AKNAD1: variants seen among roughly 807,000 people sequenced by gnomAD.
The protein encoded by AKNAD1 is protein AKNAD1.
AKNAD1 carries 67 observed loss-of-function variants against 90.8 expected under a neutral mutation model. The observed-to-expected ratio is 0.74, with a 90% CI of 0.61 to 0.90. The LOEUF is 0.90. Ranked by LOEUF, AKNAD1 falls within the 40% of genes least tolerant of loss-of-function variation. The pLI, the probability that AKNAD1 is intolerant of heterozygous loss-of-function variation, is 0.00. For synonymous variants in AKNAD1, 327 were observed against 341.4 expected, an observed-to-expected ratio of 0.96 and a Z score of 0.46; for missense variants, 957 against 975.4, an observed-to-expected ratio of 0.98 and a Z score of 0.25.
chr1:108,828,961 A>G (rs1387169479), intron 10 of AKNAD1, among the ~76,000 whole-genome samples: 1 of 151,908 alleles, frequency 6.6e-6, no homozygotes, highest in Non-Finnish European at 1.5e-5. Flanking sequence ...ATCAGAAATA[A>G]CATAAAGGGA....
rs1450499628 is a variant in AKNAD1, at chr1:108,826,736, C to CTTTTTTTTTTT, written c.1936+468_1936+469insAAAAAAAAAAA. On this transcript the variant is annotated intron_variant, in intron 11 of 15. Transcript: ENST00000370001. Reference sequence around the variant, plus strand: ...AGTGATTCTTTTTTTCTTTTCTTTTCTTTTTCTTTTTTTTTTTTTTTGAAA... The same window carrying CTTTTTTTTTTT: ...AGTGATTCTTTTTTTCTTTTCTTTTCTTTTTTTTTTTTTTTTCTTTTTTTTTTTTTTTGAAA... 8.7e-5 allele frequency among the ~76,000 whole-genome samples: 10 copies of CTTTTTTTTTTT among 114,792 alleles called. 1 individual carries two copies. The highest frequency in any genetic ancestry group is 3.4e-4 in the African/African-American group (9 of 26,614). 75.3% of individuals were successfully genotyped at this position (114,792 alleles called of 152,430 possible). A position where few individuals can be genotyped will look rare whatever the true frequency, so the allele number is the denominator to read the frequency against.
At chr1:108,852,820 A>C in intron 1 of AKNAD1, 53 bp from the exon 2 acceptor site, 1 of 588,602 alleles carries the variant, frequency 1.7e-6, no homozygotes. Flanking sequence ...TAATGTATAC[A>C]ACTATGCCAG....
intron 1 of AKNAD1, among the ~76,000 whole-genome samples, chr1:108,853,607 A>T (rs375192245): frequency 6.6e-6 from 1 of 151,626 alleles, no homozygotes; most frequent in Admixed American, 6.6e-5. Context: ...TTTCCCTTGC[A>T]TGTCTGAGAA....
At chr1:108,827,763 G>A (rs998385551) in intron 10 of AKNAD1, among the ~76,000 whole-genome samples, 3 of 146,880 alleles carry the variant, frequency 2.0e-5, no homozygotes, top group Non-Finnish European at 3.0e-5. Flanking sequence ...GCAGTGAGCC[G>A]AGATCGCGCC....
chr1:108,818,364 T>C (rs1663695503), intron 14 of AKNAD1, among the ~76,000 whole-genome samples: 1 of 152,210 alleles, frequency 6.6e-6, no homozygotes, highest in African/African-American at 2.4e-5. Flanking sequence ...CACATTGGAT[T>C]GATCCTCCAG....
chr1:108,851,054 A>G (rs1434627184), intron 2 of AKNAD1, among the ~76,000 whole-genome samples: 1 of 152,238 alleles, frequency 6.6e-6, no homozygotes, highest in Non-Finnish European at 1.5e-5. Context: ...GTACGTTAAG[A>G]CACGAGGCCA....
chr1:108,851,556 G>T, intron 2 of AKNAD1, 116 bp downstream of exon 2: 2 of 977,900 alleles, frequency 2.0e-6, no homozygotes, highest in Non-Finnish European at 3.0e-6. Flanking sequence ...GTGACCCAGG[G>T]TGCTGAATGA....
intron 13 of AKNAD1, chr1:108,823,096 T>G (rs957852569): frequency 1.5e-6 from 1 of 663,874 alleles, no homozygotes; most frequent in South Asian, 1.7e-5. Flanking sequence ...AGCAAACATT[T>G]ATGGGTTGCT....
chr1:108,846,992 T>A (rs755316787), intron 5 of AKNAD1, among the ~76,000 whole-genome samples: 1 of 152,080 alleles, frequency 6.6e-6, no homozygotes, highest in Non-Finnish European at 1.5e-5. Flanking sequence ...GCCCTTTCCA[T>A]CTGCCACCAT....
chr1:108,841,769 G>T (rs892129762), intron 6 of AKNAD1, among the ~76,000 whole-genome samples: 1 of 152,122 alleles, frequency 6.6e-6, no homozygotes, highest in Non-Finnish European at 1.5e-5. Context: ...AGAACAAGGG[G>T]ACTATTCTGG....
At chr1:108,841,363 G>A (rs1664546844) in intron 6 of AKNAD1, among the ~76,000 whole-genome samples, 1 of 152,016 alleles carries the variant, frequency 6.6e-6, no homozygotes, top group Admixed American at 6.6e-5. Flanking sequence ...GAGGGAAGTT[G>A]TGATCTTTTC....
rs369506733 is a variant in AKNAD1, at chr1:108,856,701, GTC to G, written c.-104+226_-104+227del. ...AGCCTGGGTGACAGAGCAAGACCCT[GTC>G]TCTCTCTCTCTCTCTCACACACACA... On this transcript the variant is annotated intron_variant, in intron 1 of 15. Coordinates refer to ENST00000370001, the MANE Select transcript of AKNAD1 (RefSeq NM_152763.5). Among the ~76,000 whole-genome samples, 180 of 140,848 alleles carry G rather than the reference GTC, an allele frequency of 1.3e-3. No homozygotes were observed. In the Middle Eastern group the frequency reaches 0.023, roughly 18 times the overall value. 92.4% of individuals were successfully genotyped at this position (140,848 alleles called of 152,430 possible). A position where few individuals can be genotyped will look rare whatever the true frequency, so the allele number is the denominator to read the frequency against.
chr1:108,816,970 A>T (rs1262738424), intron 15 of AKNAD1, 78 bp downstream of exon 15: 1 of 1,540,808 alleles, frequency 6.5e-7, no homozygotes, highest in Non-Finnish European at 8.9e-7. Context: ...GTAATAACTT[A>T]AGAGCTGCCA....
At chr1:108,844,234 G>T (rs937807932) in intron 5 of AKNAD1, among the ~76,000 whole-genome samples, 1 of 152,080 alleles carries the variant, frequency 6.6e-6, no homozygotes, top group Non-Finnish European at 1.5e-5. Context: ...ATGGTGGTGC[G>T]TGCCTGTAAT....
At chr1:108,854,943 A>G (rs1294742615) in intron 1 of AKNAD1, among the ~76,000 whole-genome samples, 1 of 152,196 alleles carries the variant, frequency 6.6e-6, no homozygotes, top group Non-Finnish European at 1.5e-5. Flanking sequence ...GAAATAAGGC[A>G]CTAAAGTACT....
chr1:108,855,877 T>A (rs1034341256), intron 1 of AKNAD1, among the ~76,000 whole-genome samples: 9 of 142,352 alleles, frequency 6.3e-5, no homozygotes, highest in Admixed American at 5.5e-4. Context: ...AAACAGAGTA[T>A]CTTTTTTTTT....
chr1:108,830,990 A>G (rs1453511302), intron 9 of AKNAD1, among the ~76,000 whole-genome samples: 2 of 152,118 alleles, frequency 1.3e-5, no homozygotes, highest in Non-Finnish European at 2.9e-5. Context: ...TCCCCTTTTT[A>G]TCTTTCCCTT....
intron 14 of AKNAD1, 145 bp downstream of exon 14, chr1:108,820,400 G>A: frequency 5.4e-6 from 3 of 556,938 alleles, no homozygotes; most frequent in Non-Finnish European, 9.5e-6. Flanking sequence ...ATGATTGAAG[G>A]ATTAGATAGG....
intron 3 of AKNAD1, 107 bp from the exon 4 acceptor site, chr1:108,849,167 T>A: frequency 1.9e-6 from 2 of 1,034,798 alleles, no homozygotes; most frequent in Non-Finnish European, 2.7e-6. Flanking sequence ...TTACTATTTT[T>A]AAAATTTAAT....
Sources: gnomAD v4.1 joint callset for allele counts (sites outside exome capture counted in the v4.1 genomes callset) on GRCh38, gnomAD v4.1.1 for gene constraint, MANE v1.5 for transcripts, NCBI Gene and HGNC (gene_info 2026-07-23, HGNC 2026-07-21) for gene names.